Variants in CNTN1 observed in about 807,000 individuals in gnomAD.
CNTN1 encodes the protein contactin-1.
In CNTN1, 38 loss-of-function variants were observed where a neutral mutation model predicts 126.4. The observed-to-expected ratio is 0.30, with a 90% CI of 0.23 to 0.39. The LOEUF (loss-of-function observed/expected upper bound fraction) is 0.39, where lower values mean the gene tolerates loss of function less well. CNTN1 is among the 10% of genes least tolerant of loss of function. CNTN1 has a pLI of 1.00. For missense variants in CNTN1, 1,009 were observed against 1,248.4 expected, an observed-to-expected ratio of 0.81 and a Z score of 2.89; for synonymous variants, 413 against 422.6, an observed-to-expected ratio of 0.98 and a Z score of 0.28.
intron 1 of CNTN1, among the ~76,000 whole-genome samples, chr12:40,702,884 T>C (rs1267915007): frequency 1.3e-5 from 2 of 152,208 alleles, no homozygotes; most frequent in African/African-American, 4.8e-5. Context: ...GTCTCATTGT[T>C]GGAACTTTGG....
At chr12:41,058,061 A>C (rs1182907720) in intron 23 of CNTN1, among the ~76,000 whole-genome samples, 1 of 152,072 alleles carries the variant, frequency 6.6e-6, no homozygotes, top group Non-Finnish European at 1.5e-5. Context: ...AGGAATAGGG[A>C]GTATAGAGGG....
rs78375187 is a variant in CNTN1 at position 41,040,277 on chromosome 12, G to T, written c.2980+11058G>T. ...ATTGCTCAAAGCGATCAAGATTCATGGCTGGTCTGTGATTGAGAAAACCTT... is the reference window on the plus strand; with the variant it reads ...ATTGCTCAAAGCGATCAAGATTCATTGCTGGTCTGTGATTGAGAAAACCTT... On this transcript the variant is annotated intron_variant, in intron 23 of 23. Transcript: ENST00000551295. Among the ~76,000 whole-genome samples, 602 of 152,212 alleles carry T rather than the reference G, an allele frequency of 4.0e-3. 7 individuals carry two copies. The highest frequency in any genetic ancestry group is 0.014 in the African/African-American group (580 of 41,554).
chr12:40,993,330 A>G, intron 17 of CNTN1, 61 bp downstream of exon 17: 1 of 1,356,234 alleles, frequency 7.4e-7, no homozygotes, highest in Non-Finnish European at 1.0e-6. Context: ...CCACTTTCAT[A>G]TATGGTTGAA....
chr12:40,862,917 T>A lies in CNTN1; in HGVS notation c.-76-45440T>A, dbSNP rs1943165978. On this transcript the variant is annotated intron_variant, in intron 1 of 23. Coordinates refer to ENST00000551295, the MANE Select transcript of CNTN1 (RefSeq NM_001843.4). ...TACATAATATTTTGAAATCTACCAT[T>A]ACTATAAACTAGAAGCATTTTTATA... Among the ~76,000 whole-genome samples the A allele has an allele frequency of 2.0e-5, 3 of 152,188 alleles. No homozygotes were observed. The South Asian group carries it at 6.2e-4, about 31-fold the overall frequency.
intron 1 of CNTN1, among the ~76,000 whole-genome samples, chr12:40,831,902 C>T (rs750670964): frequency 5.0e-4 from 76 of 152,070 alleles, no homozygotes; most frequent in Admixed American, 3.7e-3. Flanking sequence ...TTTGGTAAAA[C>T]GTTCTACTGT....
chr12:41,007,498 T>C (rs892887740), intron 17 of CNTN1, among the ~76,000 whole-genome samples: 1 of 152,188 alleles, frequency 6.6e-6, no homozygotes, highest in South Asian at 2.1e-4. Flanking sequence ...ACGAGGAGTT[T>C]AGCAGCAGAG....
intron 17 of CNTN1, among the ~76,000 whole-genome samples, chr12:41,012,523 G>A (rs1948685868): frequency 6.6e-6 from 1 of 152,158 alleles, no homozygotes; most frequent in African/African-American, 2.4e-5. Context: ...AGTAGCCTTT[G>A]GATAACACCA....
At position 40,950,319 on chromosome 12, in the gene CNTN1, G is replaced by A. The variant is rs139042103; in HGVS notation, c.1683+6149G>A. Among the ~76,000 whole-genome samples the A allele has an allele frequency of 2.4e-3, 370 of 152,252 alleles. 1 individual carries two copies. The highest frequency in any genetic ancestry group is 8.6e-3 in the African/African-American group (357 of 41,534). On this transcript the variant is annotated intron_variant, in intron 14 of 23. Transcript: ENST00000551295. ...GCCACTGCAAGGTTTTAAGCATGAT[G>A]TATTGGAAACAAAGAGATGTTATAT...
chr12:40,945,903 C>T (rs754362419), intron 14 of CNTN1, among the ~76,000 whole-genome samples: 5 of 152,130 alleles, frequency 3.3e-5, no homozygotes, highest in African/African-American at 9.6e-5. Flanking sequence ...GAGTCCTGAC[C>T]GCAGGCTCAC....
intron 1 of CNTN1, among the ~76,000 whole-genome samples, chr12:40,692,794 C>T (rs1057419686): frequency 1.3e-5 from 2 of 152,156 alleles, no homozygotes. Flanking sequence ...GATGCCGGAG[C>T]CCTGGGGTGC....
intron 1 of CNTN1, among the ~76,000 whole-genome samples, chr12:40,788,377 A>C (rs943504775): frequency 6.6e-6 from 1 of 152,028 alleles, no homozygotes; most frequent in African/African-American, 2.4e-5. Flanking sequence ...GTGTTCCTAC[A>C]TGTCCACCCT....
chr12:41,046,886 T>A (rs185906111), intron 23 of CNTN1, among the ~76,000 whole-genome samples: 2 of 148,128 alleles, frequency 1.4e-5, no homozygotes, highest in Admixed American at 1.4e-4. Flanking sequence ...TTCATCCTCA[T>A]GTCCTCAGCT....
intron 4 of CNTN1, among the ~76,000 whole-genome samples, chr12:40,921,601 C>A (rs112446880): frequency 7.2e-5 from 11 of 152,166 alleles, no homozygotes; most frequent in African/African-American, 2.7e-4. Flanking sequence ...CTCTTTTTCA[C>A]TTTATTAAAA....
At chr12:40,811,256 G>T (rs973386509) in intron 1 of CNTN1, among the ~76,000 whole-genome samples, 1 of 152,246 alleles carries the variant, frequency 6.6e-6, no homozygotes, top group South Asian at 2.1e-4. Context: ...CATCCATAAT[G>T]TATTACATAA....
intron 17 of CNTN1, among the ~76,000 whole-genome samples, chr12:40,998,888 A>G (rs1948285191): frequency 6.6e-6 from 1 of 152,166 alleles, no homozygotes; most frequent in Non-Finnish European, 1.5e-5. Flanking sequence ...TCATCTGTAA[A>G]AATGACTGTA....
intron 1 of CNTN1, among the ~76,000 whole-genome samples, chr12:40,767,917 T>G (rs1321172473): frequency 6.6e-6 from 1 of 152,204 alleles, no homozygotes; most frequent in African/African-American, 2.4e-5. Flanking sequence ...ATACTTTGTA[T>G]TCCCAAAAAG....
chr12:40,738,522 G>A (rs1449349580), intron 1 of CNTN1, among the ~76,000 whole-genome samples: 1 of 151,888 alleles, frequency 6.6e-6, no homozygotes, highest in African/African-American at 2.4e-5. Flanking sequence ...TTTGACAAAG[G>A]ACATCATTAA....
chr12:40,791,292 T>C (rs1940211755), intron 1 of CNTN1, among the ~76,000 whole-genome samples: 2 of 152,170 alleles, frequency 1.3e-5, no homozygotes, highest in South Asian at 4.1e-4. Flanking sequence ...AGATGGTTTA[T>C]CACCTTGTTC....
At chr12:40,755,707 C>A (rs1340560592) in intron 1 of CNTN1, among the ~76,000 whole-genome samples, 1 of 151,974 alleles carries the variant, frequency 6.6e-6, no homozygotes, top group Admixed American at 6.6e-5. Context: ...GAGACCCTGT[C>A]TCTACAAAAA....
Sources: gnomAD v4.1 joint callset for allele counts (sites outside exome capture counted in the v4.1 genomes callset) on GRCh38, gnomAD v4.1.1 for gene constraint, MANE v1.5 for transcripts, NCBI Gene and HGNC (gene_info 2026-07-23, HGNC 2026-07-21) for gene names.